PKD1: variants seen among roughly 807,000 people sequenced by gnomAD.
The protein encoded by PKD1 is polycystin-1.
PKD1 carries 81 observed loss-of-function variants against 361.7 expected under a neutral mutation model. The ratio of observed to expected loss-of-function variants is 0.22; its 90% CI spans 0.19 to 0.27. The LOEUF is 0.27. Ranked by LOEUF, PKD1 falls within the 10% of genes least tolerant of loss-of-function variation. The probability of loss-of-function intolerance (pLI) is 1.00; values close to 1 mark genes in which losing one functional copy is unlikely to be tolerated. For synonymous variants in PKD1, 3,615 were observed against 2,818.3 expected (o/e 1.28, Z -8.95); for missense variants, 6,399 against 6,118.3 (o/e 1.05, Z -1.53).
At position 2,104,638 on chromosome 16, in the gene PKD1, G is replaced by A. The variant is rs1196547610; in HGVS notation, c.8021C>T (p.Pro2674Leu). Residue 2674 changes from proline (P) to leucine (L), a missense_variant, in exon 22 of 46, where the codon CCC becomes CTC. Pro to Leu is a moderately conservative substitution (Grantham distance 98, BLOSUM62 -3). Coordinates refer to ENST00000262304, the MANE Select transcript of PKD1 (RefSeq NM_001009944.3). ...CGAGCGGCATACGAGCTCCCTGCTGGGCCCCTGTGTGGAGCCAGCAGTGTC... is the reference window on the plus strand; with the variant it reads ...CGAGCGGCATACGAGCTCCCTGCTGAGCCCCTGTGTGGAGCCAGCAGTGTC... ...IAAALAQCMG[P>L]SRELVCRSCL... is the part of the protein sequence containing the mutation. The A allele has an allele frequency of 2.6e-6, 4 of 1,527,988 alleles. No homozygotes were observed. The highest frequency in any genetic ancestry group is 2.7e-6 in the Non-Finnish European group (3 of 1,121,340). The allele number at this position is 1,527,988 out of a possible 1,614,324, so 94.7% of individuals were successfully genotyped here. A position where few individuals can be genotyped will look rare whatever the true frequency, so the allele number is the denominator to read the frequency against.
rs1340898267 is a variant in PKD1, at chr16:2,106,694, T to G, written c.7210-17A>C. ...AGCCCACCGCTGCAGGCAGAAGGGGTGGTGAGGGGGCGCAACCCTCTGCCC... is the reference window on the plus strand; with the variant it reads ...AGCCCACCGCTGCAGGCAGAAGGGGGGGTGAGGGGGCGCAACCCTCTGCCC... On this transcript the variant is annotated splice_polypyrimidine_tract_variant and intron_variant, in intron 17 of 45. Transcript: ENST00000262304. The surrounding 1 kb of genome is among the most constrained non-coding windows in gnomAD (Gnocchi z 6.5). 6 of 1,589,436 alleles carry G rather than the reference T, an allele frequency of 3.8e-6. No individual in the cohort carries two copies. The highest frequency in any genetic ancestry group is 5.1e-6 in the Non-Finnish European group (6 of 1,175,124).
intron 1 of PKD1, chr16:2,123,512 G>A (rs772221268): frequency 2.8e-5 from 13 of 456,214 alleles, no homozygotes; most frequent in South Asian, 7.7e-5. Flanking sequence ...TTTTGCCATC[G>A]CCGTTCTGGG....
At position 2,114,602 on chromosome 16, in the gene PKD1, G is replaced by C. The variant is rs2092598341; in HGVS notation, c.2421C>G (p.Ser807=). The change falls in exon 11 of 46, where the codon TCC becomes TCG. Residue 807 remains serine, a synonymous_variant. Transcript: ENST00000262304. The part of the protein sequence containing the change: ...EVRAEVGNGV[S]RHNLSCSFDV... ...CAAAGCTGCAGGAGAGGTTGTGCCT[G>C]GACACGCCATTGCCCACCTCTGCCC... 1 of 1,588,268 alleles carries C rather than the reference G, an allele frequency of 6.3e-7. No individual in the cohort carries two copies. Among genetic ancestry groups the C allele is most frequent in the Non-Finnish European group, 8.5e-7 (1 of 1,176,162 alleles).
At position 2,133,360 on chromosome 16, in the gene PKD1, A is replaced by G. The variant is rs1038646717; in HGVS notation, c.215+2115T>C. On this transcript the variant is annotated intron_variant, in intron 1 of 45. Coordinates refer to ENST00000262304, the MANE Select transcript of PKD1 (RefSeq NM_001009944.3). ...GAACTGGACACAGCTGTCCCTGCTG[A>G]GCTTCAGCAGCCAGGGAGCCACAAG... Among the ~76,000 whole-genome samples the G allele has an allele frequency of 8.6e-4, 128 of 148,612 alleles. 1 individual carries two copies. The highest frequency in any genetic ancestry group is 2.1e-4 in the Non-Finnish European group (14 of 67,448).
chr16:2,105,259 G>A (rs565873932), intron 21 of PKD1, 63 bp downstream of exon 21: 4 of 1,560,214 alleles, frequency 2.6e-6, no homozygotes, highest in Non-Finnish European at 3.5e-6. Context: ...GTCTGCCCTG[G>A]GGGGCTGAAC....
intron 39 of PKD1, 118 bp from the exon 40 acceptor site, chr16:2,092,306 G>A: frequency 8.5e-7 from 1 of 1,176,314 alleles, no homozygotes; most frequent in South Asian, 1.4e-5. Flanking sequence ...AACCCTCCCA[G>A]CAGCCATCAA....
At position 2,118,911 on chromosome 16, in the gene PKD1, G is replaced by A. The variant is rs1350626721; in HGVS notation, c.360-66C>T. 1.4e-5 allele frequency: 10 copies of A among 730,794 alleles called. No individual in the cohort carries two copies. Among genetic ancestry groups the A allele is most frequent in the Non-Finnish European group, 2.2e-5 (10 of 446,628 alleles). 45.3% of individuals were successfully genotyped at this position (730,794 alleles called of 1,614,324 possible). ...GAAGGGTCTATGCCAGCCCCCCACTGGCAACCAGGCCCTGGAGCCACCCTG... is the reference window on the plus strand; with the variant it reads ...GAAGGGTCTATGCCAGCCCCCCACTAGCAACCAGGCCCTGGAGCCACCCTG... On this transcript the variant is annotated intron_variant, in intron 3 of 45. Coordinates refer to ENST00000262304, the MANE Select transcript of PKD1 (RefSeq NM_001009944.3). This position sits in a 1 kb window ranked among gnomAD's most constrained non-coding sequence, Gnocchi z 6.0.
rs547986738 is a variant in PKD1 at position 2,106,664 on chromosome 16, C to T, written c.7223G>A (p.Arg2408His). Residue 2408 changes from arginine (R) to histidine (H), a missense_variant, in exon 18 of 46, where the codon CGT (arginine) becomes CAT (histidine). By Grantham distance (29) the Arg-to-His change is conservative (BLOSUM62 0). Coordinates refer to ENST00000262304, the MANE Select transcript of PKD1 (RefSeq NM_001009944.3). The surrounding 1 kb of genome is among the most constrained non-coding windows in gnomAD (Gnocchi z 6.5). ...CACCAGCGTCTTGTTGCTGAACGTA[C>T]GTGCAGCCCACCGCTGCAGGCAGAA... ...SGSKRGRWAA[R>H]TFSNKTLVLD... is the part of the protein sequence containing the mutation. 64 of 1,596,220 alleles carry T rather than the reference C, an allele frequency of 4.0e-5. No individual in the cohort carries two copies. Among genetic ancestry groups the T allele is most frequent in the South Asian group, 3.7e-4 (34 of 90,760 alleles).
chr16:2,123,955 C>T (rs548979979), intron 1 of PKD1, among the ~76,000 whole-genome samples: 45 of 152,312 alleles, frequency 3.0e-4, no homozygotes, highest in Admixed American at 1.6e-3. Flanking sequence ...CACAAGGGGT[C>T]CCCAGCGCCG....
rs1253961968 is a variant in PKD1 at position 2,091,412 on chromosome 16, G to T, written c.11712+11C>A. Reference sequence around the variant, plus strand: ...GTGGGAGGCGCGGGGTCTGGCCGGGGACGGGCGTACCGAGGTGAGCAGAGG... The same window carrying T: ...GTGGGAGGCGCGGGGTCTGGCCGGGTACGGGCGTACCGAGGTGAGCAGAGG... On this transcript the variant is annotated intron_variant, in intron 42 of 45. Coordinates refer to ENST00000262304, the MANE Select transcript of PKD1 (RefSeq NM_001009944.3). 4 of 1,139,554 alleles carry T rather than the reference G, an allele frequency of 3.5e-6. No individual in the cohort carries two copies. Among genetic ancestry groups the T allele is most frequent in the Middle Eastern group, 7.4e-4 (2 of 2,688 alleles). The allele number at this position is 1,139,554 out of a possible 1,614,324, so 70.6% of individuals were successfully genotyped here. A position where few individuals can be genotyped will look rare whatever the true frequency, so the allele number is the denominator to read the frequency against.
chr16:2,105,442 G>C lies in PKD1; in HGVS notation c.7896C>G (p.Pro2632=), dbSNP rs1200613687. 1 of 1,590,916 alleles carries C rather than the reference G, an allele frequency of 6.3e-7. No homozygotes were observed. The highest frequency in any genetic ancestry group is 8.5e-7 in the Non-Finnish European group (1 of 1,176,138). ...GGGCTCGGTGCTGCCGCTCGTGCTT[G>C]GGCTCTGCCGCCACGTCCAGGGCCC... The part of the protein sequence containing the change: ...YERALDVAAE[P]KHERQHRAQI... The change falls in exon 21 of 46, where the codon CCC becomes CCG. Residue 2632 remains proline (P), a synonymous_variant. Transcript: ENST00000262304.
In PKD1 at chr16:2,093,883, G is replaced by T; in HGVS notation, c.10749C>A (p.Gly3583=). 6.3e-7 allele frequency: 1 copy of T among 1,575,562 alleles called. No individual in the cohort carries two copies. The highest frequency in any genetic ancestry group is 1.8e-5 in the Admixed American group (1 of 56,564). Reference sequence around the variant, plus strand: ...TGGACAGGAGCCACGCAACACTCACGCCCGGGGGGAAGCTCGCACCCACCC... The same window carrying T: ...TGGACAGGAGCCACGCAACACTCACTCCCGGGGGGAAGCTCGCACCCACCC... The part of the protein sequence containing the change: ...SGWVGASFPP[G]VSVAWLLSSS... The change falls in exon 36 of 46, where the codon GGC becomes GGA. Residue 3583 remains glycine (G), a synonymous_variant. Transcript: ENST00000262304.
chr16:2,118,441 A>G lies in PKD1; in HGVS notation c.551T>C (p.Leu184Pro). 8.3e-7 allele frequency: 1 copy of G among 1,198,656 alleles called. No homozygotes were observed. Among genetic ancestry groups the G allele is most frequent in the Non-Finnish European group, 1.2e-6 (1 of 839,520 alleles). 74.3% of individuals were successfully genotyped at this position (1,198,656 alleles called of 1,614,324 possible). A position where few individuals can be genotyped will look rare whatever the true frequency, so the allele number is the denominator to read the frequency against. Residue 184 changes from leucine to proline, a missense_variant, in exon 5 of 46, where the codon CTC becomes CCC. Coordinates refer to ENST00000262304, the MANE Select transcript of PKD1 (RefSeq NM_001009944.3). This position sits in a 1 kb window ranked among gnomAD's most constrained non-coding sequence, Gnocchi z 6.0. ...SGCGEEYVAC[L>P]PDNSSGTVAA... ...CACGGTGCCTGAGCTGTTGTCAGGGAGGCAGGCGACATACTCCTCACCTAG... is the reference window on the plus strand; with the variant it reads ...CACGGTGCCTGAGCTGTTGTCAGGGGGGCAGGCGACATACTCCTCACCTAG...
rs767877591 is a variant in PKD1, at chr16:2,100,386, C to A, written c.9568+10G>T. On this transcript the variant is annotated intron_variant, in intron 27 of 45. Coordinates refer to ENST00000262304, the MANE Select transcript of PKD1 (RefSeq NM_001009944.3). The surrounding 1 kb of genome is among the most constrained non-coding windows in gnomAD (Gnocchi z 4.4). Reference sequence around the variant, plus strand: ...GCAGAGGGGCAGAGCTTGGCAGGGTCCGCACAAACCTTTGTTGTCGTGCCA... The same window carrying A: ...GCAGAGGGGCAGAGCTTGGCAGGGTACGCACAAACCTTTGTTGTCGTGCCA... 5 of 1,611,220 alleles carry A rather than the reference C, an allele frequency of 3.1e-6. No homozygotes were observed. The South Asian group carries it at 4.4e-5, about 14-fold the overall frequency.
In PKD1 at chr16:2,088,871, G is replaced by C; in HGVS notation, c.*856C>G. 2.0e-6 allele frequency: 1 copy of C among 495,446 alleles called. No homozygotes were observed. The highest frequency in any genetic ancestry group is 3.5e-6 in the Non-Finnish European group (1 of 283,418). 30.7% of individuals were successfully genotyped at this position (495,446 alleles called of 1,614,324 possible). A position where few individuals can be genotyped will look rare whatever the true frequency, so the allele number is the denominator to read the frequency against. On this transcript the variant is annotated 3_prime_UTR_variant, in exon 46 of 46. Transcript: ENST00000262304. ...CCTGGGCCATACAGCACACTCGCGC[G>C]TGCGCGCGCGCACACACACACACAC... is the stretch of plus-strand genomic sequence containing the variant.
Position 2,111,687 on chromosome 16 carries a change from C to T in PKD1, c.3480G>A (p.Thr1160=), listed in dbSNP as rs151026121. 1.1e-5 allele frequency: 18 copies of T among 1,580,806 alleles called. No individual in the cohort carries two copies. The highest frequency in any genetic ancestry group is 4.5e-4 in the Middle Eastern group (2 of 4,416). ...PLPSPGGVLY[T]WDFGDGSPVL... ...CAGGGGAGCCGTCCCCGAAGTCCCA[C>T]GTGTAAAGAACACCCCCAGGCGAGG... Residue 1160 remains threonine, a synonymous_variant, in exon 15 of 46, where the codon ACG becomes ACA. Transcript: ENST00000262304.
intron 1 of PKD1, 42 bp from the exon 2 acceptor site, chr16:2,119,420 T>C (rs1286327315): frequency 8.0e-6 from 11 of 1,367,558 alleles, no homozygotes; most frequent in Admixed American, 2.0e-5. Context: ...GAGCCCCTAG[T>C]AGGCCAGAGG....
rs781114712 is a variant in PKD1, at chr16:2,107,909, G to A, written c.7039C>T (p.Arg2347Cys). 2.0e-5 allele frequency: 31 copies of A among 1,545,028 alleles called. No individual in the cohort carries two copies. Among genetic ancestry groups the A allele is most frequent in the African/African-American group, 1.1e-4 (8 of 72,964 alleles). Residue 2347 changes from arginine to cysteine, a missense_variant, in exon 16 of 46, where the codon CGC (arginine) becomes TGC (cysteine). Coordinates refer to ENST00000262304, the MANE Select transcript of PKD1 (RefSeq NM_001009944.3). ...GTCTGGTTGGTGGCCTCCTCCTTGCGGCCGGCCTTCCACACGGTCAGGCTG... is the reference window on the plus strand; with the variant it reads ...GTCTGGTTGGTGGCCTCCTCCTTGCAGCCGGCCTTCCACACGGTCAGGCTG... ...TFSLTVWKAG[R>C]KEEATNQTVL...
intron 1 of PKD1, among the ~76,000 whole-genome samples, chr16:2,120,520 A>G (rs2092704122): frequency 6.6e-6 from 1 of 152,140 alleles, no homozygotes; most frequent in Non-Finnish European, 1.5e-5. Flanking sequence ...TGGACAGCAT[A>G]GCAAGACCCC....
Sources: allele counts gnomAD v4.1 joint callset (sites outside exome capture counted in the v4.1 genomes callset), GRCh38; gene constraint gnomAD v4.1.1; non-coding constraint Gnocchi (gnomAD v3.1); transcripts MANE v1.5; gene names NCBI Gene and HGNC (gene_info 2026-07-23, HGNC 2026-07-21).